CSMD3: variants seen among roughly 807,000 people sequenced by gnomAD.
CSMD3 encodes the protein CUB and sushi domain-containing protein 3.
A neutral mutation model predicts 435.2 loss-of-function variants in CSMD3; 177 were observed. The ratio of observed to expected loss-of-function variants is 0.41; its 90% CI spans 0.36 to 0.46. CSMD3 has a LOEUF of 0.46. Among genes scored for constraint, CSMD3 ranks in the 20% least tolerant of loss-of-function variants. CSMD3 has a pLI of 0.34. For missense variants in CSMD3, 4,265 were observed against 4,504.6 expected, an observed-to-expected ratio of 0.95 and a Z score of 1.52; for synonymous variants, 1,656 against 1,520.5, an observed-to-expected ratio of 1.09 and a Z score of -2.07.
chr8:113,335,254 G>A (rs1028875242), intron 1 of CSMD3, among the ~76,000 whole-genome samples: 2 of 152,040 alleles, frequency 1.3e-5, no homozygotes, highest in African/African-American at 4.8e-5. Flanking sequence ...ACAGTCTACA[G>A]AATCATGAGC....
In CSMD3 at chr8:112,228,831, G is replaced by A. The variant is rs750954869; in HGVS notation, c.10889C>T (p.Ser3630Phe). 2 of 1,589,750 alleles carry A rather than the reference G, an allele frequency of 1.3e-6. No individual in the cohort carries two copies. Residue 3630 changes from serine to phenylalanine, a missense_variant, in exon 70 of 71, where the codon TCT becomes TTT. Coordinates refer to ENST00000297405, the MANE Select transcript of CSMD3 (RefSeq NM_198123.2). Reference protein sequence around the residue: ...SNQPHGTNSSSVAIAILVPFF... With the variant: ...SNQPHGTNSSFVAIAILVPFF... ...AGGCACAAGAATAGCAATGGCTACA[G>A]AACTACTATTTGTACCATGAGGTTG...
chr8:112,289,855 T>C (rs963249229), intron 56 of CSMD3, among the ~76,000 whole-genome samples: 2 of 152,078 alleles, frequency 1.3e-5, no homozygotes, highest in East Asian at 3.9e-4. Flanking sequence ...CACATATATA[T>C]GTGTATGAGT....
chr8:112,815,570 C>T (rs953584112), intron 12 of CSMD3, among the ~76,000 whole-genome samples: 79 of 152,146 alleles, frequency 5.2e-4, no homozygotes, highest in African/African-American at 1.8e-3. Flanking sequence ...TCTATATTTT[C>T]CCCTAATTTC....
At chr8:112,392,904 C>T (rs1275381815) in intron 35 of CSMD3, among the ~76,000 whole-genome samples, 2 of 120,134 alleles carry the variant, frequency 1.7e-5, no homozygotes, top group African/African-American at 3.3e-5. Flanking sequence ...CTGGCTTTGT[C>T]GCCTAGGCTG....
chr8:113,289,128 T>C (rs1307810297), intron 2 of CSMD3, among the ~76,000 whole-genome samples: 1 of 138,328 alleles, frequency 7.2e-6, no homozygotes, highest in African/African-American at 2.7e-5. Context: ...GTAGATGAAA[T>C]GGTACCTTCC....
chr8:112,383,184 T>C (rs1029195334), intron 37 of CSMD3, among the ~76,000 whole-genome samples: 1 of 152,166 alleles, frequency 6.6e-6, no homozygotes, highest in Admixed American at 6.5e-5. Context: ...TTGTAGCATT[T>C]ACCTGGTTAT....
chr8:112,407,767 C>T (rs1198414902), intron 34 of CSMD3, among the ~76,000 whole-genome samples: 7 of 151,988 alleles, frequency 4.6e-5, no homozygotes, highest in Non-Finnish European at 8.8e-5. Flanking sequence ...AATAATGGCT[C>T]TTAACTTGGT....
rs1242051609 is a variant in CSMD3 at position 112,705,695 on chromosome 8, C to A, written c.1973-15645G>T. Among the ~76,000 whole-genome samples, 5 of 151,896 alleles carry A rather than the reference C, an allele frequency of 3.3e-5. No homozygotes were observed. In the East Asian group the frequency reaches 9.7e-4, roughly 29 times the overall value. On this transcript the variant is annotated intron_variant, in intron 13 of 70. Coordinates refer to ENST00000297405, the MANE Select transcript of CSMD3 (RefSeq NM_198123.2). ...AAAAGGATACAGTCTATAAGAGCTG[C>A]CAAATAGGTGTATTCAGAATATATT...
At chr8:112,972,055 A>C (rs917483865) in intron 7 of CSMD3, among the ~76,000 whole-genome samples, 11 of 151,848 alleles carry the variant, frequency 7.2e-5, no homozygotes, top group Non-Finnish European at 1.5e-4. Context: ...GTGTTAATTC[A>C]CTTAATTAAC....
chr8:112,233,387 A>C (rs1813274284), intron 68 of CSMD3, among the ~76,000 whole-genome samples: 1 of 152,210 alleles, frequency 6.6e-6, no homozygotes. Context: ...ACTTCTAAGA[A>C]GAAGCTCAAA....
At chr8:113,010,576 T>C (rs2086221295) in intron 6 of CSMD3, among the ~76,000 whole-genome samples, 1 of 151,804 alleles carries the variant, frequency 6.6e-6, no homozygotes, top group South Asian at 2.1e-4. Context: ...TTATTGTAGT[T>C]GGTACATTTA....
intron 10 of CSMD3, among the ~76,000 whole-genome samples, chr8:112,875,969 C>G (rs926134249): frequency 6.6e-6 from 1 of 152,006 alleles, no homozygotes; most frequent in African/African-American, 2.4e-5. Context: ...TGCTGGAGAA[C>G]AATGATCCTT....
intron 10 of CSMD3, 138 bp from the exon 11 acceptor site, chr8:112,859,404 T>A (rs552327167): frequency 1.9e-4 from 143 of 752,214 alleles, no homozygotes; most frequent in Non-Finnish European, 2.8e-4. Flanking sequence ...GGTATTCTAA[T>A]GTCACTTATC....
chr8:112,833,715 T>C lies in CSMD3; in HGVS notation c.1756-3926A>G, dbSNP rs576939803. ...ATGTGTGTGTGTGTGTGTGTGTCTG[T>C]AGGTTTGCATGGTATTCATACATAG... On this transcript the variant is annotated intron_variant, in intron 11 of 70. Transcript: ENST00000297405. 1.3e-4 allele frequency among the ~76,000 whole-genome samples: 19 copies of C among 151,948 alleles called. No individual in the cohort carries two copies. The South Asian group carries it at 3.9e-3, about 31-fold the overall frequency.
chr8:113,047,703 CA>C (rs1197965546), intron 5 of CSMD3, among the ~76,000 whole-genome samples: 1 of 152,136 alleles, frequency 6.6e-6, no homozygotes, highest in Non-Finnish European at 1.5e-5. Context: ...GGAATTATGA[CA>C]TTTTTCTTGA....
intron 1 of CSMD3, among the ~76,000 whole-genome samples, chr8:113,348,936 A>G (rs2094171094): frequency 6.6e-6 from 1 of 152,102 alleles, no homozygotes; most frequent in Non-Finnish European, 1.5e-5. Context: ...TCACTTTTCA[A>G]ATATAATCAT....
chr8:112,759,750 T>TTTA (rs1369435789), intron 13 of CSMD3, among the ~76,000 whole-genome samples: 3 of 152,134 alleles, frequency 2.0e-5, no homozygotes, highest in Non-Finnish European at 4.4e-5. Flanking sequence ...TTCGCAGCCT[T>TTTA]TTAGTGATCT....
At chr8:112,818,567 A>G (rs1412178868) in intron 12 of CSMD3, among the ~76,000 whole-genome samples, 3 of 152,220 alleles carry the variant, frequency 2.0e-5, no homozygotes, top group Non-Finnish European at 4.4e-5. Context: ...CATTATTTAA[A>G]ATACATTTCC....
chr8:112,975,877 C>T lies in CSMD3; in HGVS notation c.1302G>A (p.Gln434=), dbSNP rs2130931918. 6.2e-7 allele frequency: 1 copy of T among 1,613,836 alleles called. No homozygotes were observed. Among genetic ancestry groups the T allele is most frequent in the South Asian group, 1.1e-5 (1 of 91,072 alleles). Residue 434 remains glutamine, a synonymous_variant, in exon 7 of 71, where the codon CAG becomes CAA. Coordinates refer to ENST00000297405, the MANE Select transcript of CSMD3 (RefSeq NM_198123.2). Reference sequence around the variant, plus strand: ...CTGCAAGCTCTTTAGTTCTTTCTATCTGTTCAGCATGTCTTGGTCTTCTCC... The same window carrying T: ...CTGCAAGCTCTTTAGTTCTTTCTATTTGTTCAGCATGTCTTGGTCTTCTCC... ...STRRRPRHAE[Q]IERTKELAVV... is the part of the protein sequence containing the mutation.
Sources: gnomAD v4.1 joint callset for allele counts (sites outside exome capture counted in the v4.1 genomes callset) on GRCh38, gnomAD v4.1.1 for gene constraint, MANE v1.5 for transcripts, NCBI Gene and HGNC (gene_info 2026-07-23, HGNC 2026-07-21) for gene names.